AK5: variants seen among roughly 807,000 people sequenced by gnomAD.
The protein encoded by AK5 is adenylate kinase 5.
In AK5, 27 loss-of-function variants were observed where a neutral mutation model predicts 69.5. The observed-to-expected ratio is 0.39, with a 90% confidence interval of 0.29 to 0.54. The LOEUF (loss-of-function observed/expected upper bound fraction) is 0.54, where lower values mean the gene tolerates loss of function less well. AK5 is among the 20% of genes least tolerant of loss of function. The pLI, the probability that AK5 is intolerant of heterozygous loss-of-function variation, is 0.71. For missense variants in AK5, 531 were observed against 700.4 expected (o/e 0.76, Z 2.73); for synonymous variants, 260 against 244.4 (o/e 1.06, Z -0.60).
intron 8 of AK5, among the ~76,000 whole-genome samples, chr1:77,435,136 T>C (rs1441880075): frequency 1.3e-5 from 2 of 152,158 alleles, no homozygotes; most frequent in East Asian, 1.9e-4. Flanking sequence ...GTTATCAACC[T>C]AGCCAAGCAA....
intron 6 of AK5, among the ~76,000 whole-genome samples, chr1:77,370,824 C>T (rs1426375814): frequency 1.3e-5 from 2 of 152,168 alleles, no homozygotes; most frequent in Non-Finnish European, 2.9e-5. Context: ...TTCTGGGATC[C>T]TCCATCCCAG....
At chr1:77,322,263 G>A (rs1570376093) in intron 5 of AK5, among the ~76,000 whole-genome samples, 1 of 67,204 alleles carries the variant, frequency 1.5e-5, no homozygotes, top group Non-Finnish European at 3.6e-5. Flanking sequence ...TGTAGTCCTT[G>A]GTTCTTTTTT....
intron 2 of AK5, 39 bp from the exon 3 acceptor site, chr1:77,293,754 G>T: frequency 6.6e-7 from 1 of 1,523,396 alleles, no homozygotes; most frequent in South Asian, 1.2e-5. Context: ...TTTTATTATG[G>T]TGTTTTTTCC....
intron 8 of AK5, among the ~76,000 whole-genome samples, chr1:77,418,000 T>C (rs1650543152): frequency 6.6e-6 from 1 of 152,202 alleles, no homozygotes; most frequent in Non-Finnish European, 1.5e-5. Context: ...AGAATTTGCC[T>C]GTGTCTCTAT....
intron 8 of AK5, among the ~76,000 whole-genome samples, chr1:77,426,268 T>A (rs1213347366): frequency 6.6e-6 from 1 of 152,090 alleles, no homozygotes; most frequent in African/African-American, 2.4e-5. Flanking sequence ...CACATATAGA[T>A]TAAAAGTAAA....
intron 6 of AK5, among the ~76,000 whole-genome samples, chr1:77,401,479 A>G (rs148674565): frequency 1.2e-4 from 19 of 152,336 alleles, no homozygotes; most frequent in East Asian, 3.9e-4. Context: ...TATGGGATAT[A>G]TAACACTGAA....
At chr1:77,385,361 G>A (rs866221785) in intron 6 of AK5, among the ~76,000 whole-genome samples, 15 of 151,922 alleles carry the variant, frequency 9.9e-5, no homozygotes, top group Non-Finnish European at 1.5e-4. Context: ...GGGTTTCACC[G>A]TGCTGGCCAG....
chr1:77,391,499 A>G (rs4949798), intron 6 of AK5, among the ~76,000 whole-genome samples: 1,644 of 12,670 alleles, frequency 0.13, 31 homozygotes, highest in Non-Finnish European at 0.14. Flanking sequence ...GTGTGTGTAT[A>G]TATATATATA....
At chr1:77,552,173 G>T (rs948129003) in intron 13 of AK5, among the ~76,000 whole-genome samples, 15 of 152,052 alleles carry the variant, frequency 9.9e-5, no homozygotes, top group Non-Finnish European at 2.9e-5. Flanking sequence ...CTGTTAGGTC[G>T]GTGTAGCCAG....
chr1:77,401,066 C>T lies in AK5; in HGVS notation c.892-9915C>T, dbSNP rs74877621. Among the ~76,000 whole-genome samples the T allele has an allele frequency of 7.1e-3, 1,077 of 152,224 alleles. 12 individuals carry two copies. Among genetic ancestry groups the T allele is most frequent in the African/African-American group, 0.025 (1,039 of 41,546 alleles). On this transcript the variant is annotated intron_variant, in intron 6 of 13. Transcript: ENST00000354567. ...TTGTTCCCACCCATCTCACTCACCACGTCCACTTAGGTGTTTCTCTTTCAA... is the reference window on the plus strand; with the variant it reads ...TTGTTCCCACCCATCTCACTCACCATGTCCACTTAGGTGTTTCTCTTTCAA...
In AK5 at chr1:77,342,354, C is replaced by T. The variant is rs576135096; in HGVS notation, c.891+1786C>T. ...CTGATTACTCCCTGCTTGTCACATT[C>T]GTCATCACAAGCAGAGCAGATTTCT... On this transcript the variant is annotated intron_variant, in intron 6 of 13. Transcript: ENST00000354567. 7.2e-5 allele frequency among the ~76,000 whole-genome samples: 11 copies of T among 152,282 alleles called. No individual in the cohort carries two copies. The South Asian group carries it at 2.1e-3, about 29-fold the overall frequency.
chr1:77,526,275 G>A (rs1029494379), intron 12 of AK5, among the ~76,000 whole-genome samples: 1 of 151,994 alleles, frequency 6.6e-6, no homozygotes, highest in Non-Finnish European at 1.5e-5. Context: ...TGTCTATGAG[G>A]ATTGGCAGTT....
intron 5 of AK5, chr1:77,314,033 A>T (rs570271970): frequency 2.6e-6 from 1 of 385,550 alleles, no homozygotes; most frequent in South Asian, 2.0e-5. Flanking sequence ...TTGTAGTCAT[A>T]GTAATGACAA....
intron 6 of AK5, among the ~76,000 whole-genome samples, chr1:77,400,148 A>G (rs1217206022): frequency 6.6e-6 from 1 of 152,144 alleles, no homozygotes; most frequent in Non-Finnish European, 1.5e-5. Flanking sequence ...GGCTTGGCAC[A>G]GTTTCTGAGG....
intron 8 of AK5, among the ~76,000 whole-genome samples, chr1:77,427,403 C>A (rs931794560): frequency 7.2e-5 from 11 of 152,002 alleles, no homozygotes; most frequent in African/African-American, 2.7e-4. Context: ...TGAAATGGAC[C>A]AATTCTTTGA....
In AK5 at chr1:77,486,285, CTTAAG is replaced by C. The variant is rs765174744; in HGVS notation, c.1103-19_1103-15del. The C allele has an allele frequency of 1.3e-6, 2 of 1,510,302 alleles. No homozygotes were observed. The highest frequency in any genetic ancestry group is 2.3e-5 in the South Asian group (2 of 87,590). 93.6% of individuals were successfully genotyped at this position (1,510,302 alleles called of 1,614,324 possible). A position where few individuals can be genotyped will look rare whatever the true frequency, so the allele number is the denominator to read the frequency against. On this transcript the variant is annotated intron_variant, in intron 9 of 13. Coordinates refer to ENST00000354567, the MANE Select transcript of AK5 (RefSeq NM_174858.3). ...TCAGTACAGTTTTTCTTGCCAATAA[CTTAAG>C]TTATTCTTATTTTAAAGGTTTCATG...
intron 3 of AK5, among the ~76,000 whole-genome samples, chr1:77,296,186 A>T (rs1658992229): frequency 6.6e-6 from 1 of 152,200 alleles, no homozygotes; most frequent in South Asian, 2.1e-4. Flanking sequence ...AGAGTGAGGT[A>T]TAGATGCCCA....
intron 10 of AK5, among the ~76,000 whole-genome samples, chr1:77,510,511 C>T (rs1401525207): frequency 1.3e-5 from 2 of 151,210 alleles, no homozygotes; most frequent in Non-Finnish European, 2.9e-5. Context: ...CAGTTTTCCG[C>T]TGCTAAAAAA....
chr1:77,311,042 T>C (rs533246952), intron 5 of AK5, among the ~76,000 whole-genome samples: 4 of 152,268 alleles, frequency 2.6e-5, no homozygotes, highest in Admixed American at 2.6e-4. Context: ...AATTATTGTT[T>C]GTGTTTGTGG....
Sources: gnomAD v4.1 joint callset for allele counts (sites outside exome capture counted in the v4.1 genomes callset) on GRCh38, gnomAD v4.1.1 for gene constraint, MANE v1.5 for transcripts, NCBI Gene and HGNC (gene_info 2026-07-23, HGNC 2026-07-21) for gene names.